IQCB1: variants seen among roughly 807,000 people sequenced by gnomAD.
IQCB1 encodes the protein IQ calmodulin-binding motif-containing protein 1.
IQCB1 carries 56 observed loss-of-function variants against 84.4 expected under a neutral mutation model. The ratio of observed to expected loss-of-function variants is 0.66; its 90% CI spans 0.54 to 0.83. The LOEUF (loss-of-function observed/expected upper bound fraction) is 0.83. Ranked by LOEUF, IQCB1 falls within the 40% of genes least tolerant of loss-of-function variation. IQCB1 has a pLI of 0.00. For synonymous variants in IQCB1, 210 were observed against 234.8 expected (o/e 0.89, Z 0.96); for missense variants, 629 against 682.1 (o/e 0.92, Z 0.87).
intron 2 of IQCB1, 119 bp from the exon 3 acceptor site, chr3:121,829,091 G>C: frequency 1.5e-6 from 1 of 679,438 alleles, no homozygotes; most frequent in Non-Finnish European, 2.6e-6. Flanking sequence ...CCTTGTTTGA[G>C]AGGCAGAATG....
chr3:121,789,913 C>T (rs796513180), intron 11 of IQCB1, among the ~76,000 whole-genome samples, 160 bp downstream of exon 11: 1 of 151,948 alleles, frequency 6.6e-6, no homozygotes, highest in Non-Finnish European at 1.5e-5. Flanking sequence ...AAACAGTAAC[C>T]GTTTTTGAAC....
chr3:121,790,047 T>G, intron 11 of IQCB1, 26 bp downstream of exon 11: 1 of 1,595,848 alleles, frequency 6.3e-7, no homozygotes, highest in Non-Finnish European at 8.6e-7. Flanking sequence ...TATTCTTATA[T>G]TGATAAAGTT....
In IQCB1 at chr3:121,772,169, G is replaced by A. The variant is rs201870073; in HGVS notation, c.1567+388C>T. On this transcript the variant is annotated intron_variant, in intron 14 of 14. Transcript: ENST00000310864. ...CAGCCTGGCAACAGAGCAAGACTCC[G>A]TCTCAAAATAATAATAAAAAAAAAT... Among the ~76,000 whole-genome samples, 23 of 152,170 alleles carry A rather than the reference G, an allele frequency of 1.5e-4. No individual in the cohort carries two copies. The East Asian group carries it at 1.5e-3, about 10-fold the overall frequency.
intron 13 of IQCB1, among the ~76,000 whole-genome samples, chr3:121,776,218 C>T (rs1377627772): frequency 6.6e-6 from 1 of 152,106 alleles, no homozygotes; most frequent in East Asian, 1.9e-4. Context: ...AGTCACCATG[C>T]CCGGCCAGAG....
intron 12 of IQCB1, among the ~76,000 whole-genome samples, chr3:121,785,801 G>A: frequency 6.6e-6 from 1 of 152,124 alleles, no homozygotes; most frequent in East Asian, 1.9e-4. Flanking sequence ...TACATGTCAA[G>A]TTCTCCATAG....
chr3:121,820,854 C>A (rs1407689940), intron 5 of IQCB1, among the ~76,000 whole-genome samples: 2 of 151,562 alleles, frequency 1.3e-5, no homozygotes, highest in Non-Finnish European at 2.9e-5. Flanking sequence ...CTTAGTTCTT[C>A]TAGCTTACTA....
intron 5 of IQCB1, among the ~76,000 whole-genome samples, chr3:121,814,600 G>A (rs1949975548): frequency 6.6e-6 from 1 of 152,122 alleles, no homozygotes. Flanking sequence ...TGATCCCACA[G>A]AAATACAAAC....
At chr3:121,805,972 G>A (rs1022244574) in intron 7 of IQCB1, among the ~76,000 whole-genome samples, 6 of 152,092 alleles carry the variant, frequency 3.9e-5, no homozygotes, top group Admixed American at 3.9e-4. Context: ...CTTCAACCTG[G>A]AAACTCTCTC....
intron 11 of IQCB1, among the ~76,000 whole-genome samples, chr3:121,789,162 A>G (rs1948855887): frequency 6.6e-6 from 1 of 152,188 alleles, no homozygotes; most frequent in Non-Finnish European, 1.5e-5. Flanking sequence ...GCTGGATCCA[A>G]TAGGCAGTTG....
chr3:121,798,544 T>C (rs930226829), intron 8 of IQCB1, among the ~76,000 whole-genome samples: 3 of 151,954 alleles, frequency 2.0e-5, no homozygotes, highest in Non-Finnish European at 4.4e-5. Flanking sequence ...TCTGTTTCTA[T>C]ATCTATAAAA....
intron 5 of IQCB1, 35 bp from the exon 6 acceptor site, chr3:121,809,044 A>T: frequency 7.8e-7 from 1 of 1,290,266 alleles, no homozygotes; most frequent in Non-Finnish European, 1.1e-6. Flanking sequence ...TTACTTTTCT[A>T]TAGTTTTTTT....
chr3:121,774,634 A>C (rs1004201354), intron 13 of IQCB1, among the ~76,000 whole-genome samples: 1 of 152,256 alleles, frequency 6.6e-6, no homozygotes, highest in African/African-American at 2.4e-5. Flanking sequence ...CCTTGAAGAC[A>C]TTATACTAAC....
At position 121,781,664 on chromosome 3, in the gene IQCB1, A is replaced by G. The variant is rs541490131; in HGVS notation, c.1410+79T>C. Reference sequence around the variant, plus strand: ...ACACACACACACACACACACACACAATATATGTGTGTGTGTGTACAGTTAT... The same window carrying G: ...ACACACACACACACACACACACACAGTATATGTGTGTGTGTGTACAGTTAT... On this transcript the variant is annotated intron_variant, in intron 13 of 14. Coordinates refer to ENST00000310864, the MANE Select transcript of IQCB1 (RefSeq NM_001023570.4). 24 of 964,248 alleles carry G rather than the reference A, an allele frequency of 2.5e-5. No homozygotes were observed. In the Admixed American group the frequency reaches 4.1e-4, roughly 16 times the overall value. 59.7% of individuals were successfully genotyped at this position (964,248 alleles called of 1,614,324 possible).
At chr3:121,795,342 A>G (rs1949135872) in intron 10 of IQCB1, 115 bp downstream of exon 10, 2 of 728,230 alleles carry the variant, frequency 2.7e-6, no homozygotes, top group Non-Finnish European at 5.0e-6. Flanking sequence ...TGGAAAAAAA[A>G]TGAAAAGATA....
At chr3:121,785,297 G>C (rs571249718) in intron 12 of IQCB1, among the ~76,000 whole-genome samples, 3 of 151,304 alleles carry the variant, frequency 2.0e-5, no homozygotes, top group South Asian at 4.2e-4. Flanking sequence ...CTATTACCCA[G>C]GCTAGAGTGC....
intron 5 of IQCB1, among the ~76,000 whole-genome samples, chr3:121,809,961 A>G (rs917896460): frequency 1.3e-5 from 2 of 150,786 alleles, no homozygotes; most frequent in African/African-American, 4.9e-5. Context: ...AAAAAAACCC[A>G]TAAGAAACGT....
intron 13 of IQCB1, among the ~76,000 whole-genome samples, chr3:121,777,705 C>T (rs192071758): frequency 2.0e-5 from 3 of 152,246 alleles, no homozygotes; most frequent in East Asian, 1.9e-4. Context: ...TTTACATTCA[C>T]ACCAACAGTG....
At chr3:121,805,886 C>T (rs746576717) in intron 7 of IQCB1, among the ~76,000 whole-genome samples, 4 of 152,066 alleles carry the variant, frequency 2.6e-5, no homozygotes, top group Non-Finnish European at 5.9e-5. Context: ...GACTTGTGAA[C>T]TCTAGTTATC....
intron 5 of IQCB1, among the ~76,000 whole-genome samples, chr3:121,813,066 A>T (rs939193500): frequency 6.6e-6 from 1 of 152,196 alleles, no homozygotes; most frequent in Non-Finnish European, 1.5e-5. Flanking sequence ...CTAACAGCGG[A>T]TGTCTCTGCA....
Sources: gnomAD v4.1 joint callset for allele counts (sites outside exome capture counted in the v4.1 genomes callset) on GRCh38, gnomAD v4.1.1 for gene constraint, MANE v1.5 for transcripts, NCBI Gene and HGNC (gene_info 2026-07-23, HGNC 2026-07-21) for gene names.